Variants in ANXA2 observed in about 807,000 individuals in gnomAD.
ANXA2 encodes annexin A2.
In ANXA2, 28 loss-of-function variants were observed where a neutral mutation model predicts 47.3. The ratio of observed to expected loss-of-function variants is 0.59; its 90% confidence interval spans 0.44 to 0.81. The LOEUF (loss-of-function observed/expected upper bound fraction) is 0.81. ANXA2 is among the 40% of genes least tolerant of loss of function. The pLI is 0.00. For synonymous variants in ANXA2, 172 were observed against 155.5 expected (o/e 1.11, Z -0.79); for missense variants, 384 against 414.3 (o/e 0.93, Z 0.64).
chr15:60,397,803 G>T, intron 1 of ANXA2, 140 bp downstream of exon 1: 1 of 1,261,042 alleles, frequency 7.9e-7, no homozygotes, highest in Non-Finnish European at 1.0e-6. Flanking sequence ...AGTGCCGGCC[G>T]TCCCTTCAGC....
At chr15:60,369,463 A>G (rs1371482668) in intron 3 of ANXA2, among the ~76,000 whole-genome samples, 1 of 152,332 alleles carries the variant, frequency 6.6e-6, no homozygotes, top group East Asian at 1.9e-4. Context: ...CCTCAATTCT[A>G]ATACTTCCAG....
chr15:60,377,016 C>T (rs960435134), intron 3 of ANXA2, among the ~76,000 whole-genome samples: 3 of 152,268 alleles, frequency 2.0e-5, no homozygotes, highest in African/African-American at 7.2e-5. Flanking sequence ...GTCATCGTCA[C>T]ATGGTCCTCT....
intron 3 of ANXA2, among the ~76,000 whole-genome samples, chr15:60,367,352 GAGCCCCTCTGCCCGGCC>G (rs2062638217): frequency 9.2e-6 from 1 of 108,974 alleles, no homozygotes; most frequent in Non-Finnish European, 1.9e-5. Flanking sequence ...GGAAAGTGAG[GAGCCCCTCTGCCCGGCC>G]AGCCGCCCGG....
intron 12 of ANXA2, 116 bp from the exon 13 acceptor site, chr15:60,347,805 T>G: frequency 1.1e-6 from 1 of 915,600 alleles, no homozygotes; most frequent in Non-Finnish European, 1.7e-6. Context: ...AAGAGAAGAC[T>G]CTGCAGGAGA....
chr15:60,397,206 A>G (rs2063091882), intron 1 of ANXA2: 1 of 921,064 alleles, frequency 1.1e-6, no homozygotes. Context: ...TCATTGTCAC[A>G]TCATGGCGAG....
intron 3 of ANXA2, among the ~76,000 whole-genome samples, chr15:60,365,618 G>C (rs1174753874): frequency 6.6e-6 from 1 of 152,116 alleles, no homozygotes; most frequent in Non-Finnish European, 1.5e-5. Flanking sequence ...GATTGACAGA[G>C]GAAGTATTTT....
chr15:60,389,739 G>T (rs2140932478), intron 1 of ANXA2, among the ~76,000 whole-genome samples: 1 of 152,276 alleles, frequency 6.6e-6, no homozygotes, highest in East Asian at 1.9e-4. Context: ...ATGAGCATCA[G>T]AATCCTGTAA....
At chr15:60,361,733 G>A (rs1256255192) in intron 4 of ANXA2, among the ~76,000 whole-genome samples, 1 of 152,054 alleles carries the variant, frequency 6.6e-6, no homozygotes, top group Non-Finnish European at 1.5e-5. Flanking sequence ...CTTAAGGGTT[G>A]GATCCACTGT....
intron 1 of ANXA2, chr15:60,393,459 T>C: frequency 2.0e-6 from 2 of 1,005,198 alleles, no homozygotes; most frequent in Non-Finnish European, 1.2e-6. Context: ...AAAAGTCTAA[T>C]GTCAGCATTC....
intron 12 of ANXA2, among the ~76,000 whole-genome samples, chr15:60,348,720 TG>T (rs1454908285): frequency 7.3e-6 from 1 of 137,546 alleles, no homozygotes; most frequent in Non-Finnish European, 1.5e-5. Context: ...CACTCCAGCC[TG>T]GGCGAGAGAG....
chr15:60,354,506 T>C (rs1031602778), intron 7 of ANXA2, among the ~76,000 whole-genome samples: 1 of 151,202 alleles, frequency 6.6e-6, no homozygotes, highest in African/African-American at 2.4e-5. Context: ...GGCACATGCC[T>C]GTAGTCCCAG....
At chr15:60,376,497 C>G (rs2140892997) in intron 3 of ANXA2, among the ~76,000 whole-genome samples, 1 of 152,186 alleles carries the variant, frequency 6.6e-6, no homozygotes, top group African/African-American at 2.4e-5. Flanking sequence ...GAAAGTGAGC[C>G]AGGACAGGTA....
chr15:60,377,193 A>G (rs2140895288), intron 3 of ANXA2, among the ~76,000 whole-genome samples: 1 of 152,358 alleles, frequency 6.6e-6, no homozygotes, highest in Middle Eastern at 3.4e-3. Context: ...CATTCTAAAA[A>G]AAGAAGGTAA....
intron 3 of ANXA2, among the ~76,000 whole-genome samples, chr15:60,381,610 C>G (rs1209490164): frequency 6.6e-6 from 1 of 152,178 alleles, no homozygotes; most frequent in East Asian, 1.9e-4. Context: ...TCCTGGTCTT[C>G]TCTTACTCAT....
rs141460793 is a variant in ANXA2, at chr15:60,371,292, G to A, written c.149-6769C>T. ...ATAGCTTTGCCAAGGGAATGCCACG[G>A]GGAGGTGTTGCTGACAGCAAGGTGC... On this transcript the variant is annotated intron_variant, in intron 3 of 12. Transcript: ENST00000451270. 5.0e-3 allele frequency among the ~76,000 whole-genome samples: 761 copies of A among 152,334 alleles called. 6 individuals are homozygous for A. Among genetic ancestry groups the A allele is most frequent in the Middle Eastern group, 0.024 (7 of 294 alleles).
chr15:60,373,874 T>TG (rs2062742206), intron 3 of ANXA2, among the ~76,000 whole-genome samples: 1 of 152,202 alleles, frequency 6.6e-6, no homozygotes, highest in African/African-American at 2.4e-5. Context: ...CTGTGAAATA[T>TG]GGGGCAAAGA....
chr15:60,354,089 A>C lies in ANXA2; in HGVS notation c.588+65T>G, dbSNP rs569889985. ...GTCATTTGTCACACAGAGTTAAATTACTATATAGACTATCCAGAGACTTAC... is the reference window on the plus strand; with the variant it reads ...GTCATTTGTCACACAGAGTTAAATTCCTATATAGACTATCCAGAGACTTAC... On this transcript the variant is annotated intron_variant, in intron 8 of 12. Coordinates refer to ENST00000451270, the MANE Select transcript of ANXA2 (RefSeq NM_004039.3). The C allele has an allele frequency of 1.5e-5, 19 of 1,297,672 alleles. No homozygotes were observed. In the Admixed American group the frequency reaches 2.9e-4, roughly 20 times the overall value. The allele number at this position is 1,297,672 out of a possible 1,614,324, so 80.4% of individuals were successfully genotyped here.
chr15:60,349,833 G>A (rs918507933), intron 11 of ANXA2, among the ~76,000 whole-genome samples: 2 of 135,054 alleles, frequency 1.5e-5, no homozygotes, highest in Admixed American at 1.5e-4. Context: ...AGGGAGGGAG[G>A]GGAAGGAAAG....
rs750964647 is a variant in ANXA2 at position 60,361,040 on chromosome 15, T to G, written c.258A>C (p.Ala86=). The stretch of plus-strand genomic sequence containing the variant: ...GGTGGCCAGATAAGGCTGACTTCAG[T>G]GCTGATGCAAGTTCCTTCAAGATAA... ...QRRTKKELAS[A]LKSALSGHLE... The change falls in exon 5 of 13, where the codon GCA becomes GCC. Residue 86 remains alanine (A), a synonymous_variant. Transcript: ENST00000451270. 2.7e-5 allele frequency: 44 copies of G among 1,611,504 alleles called. No homozygotes were observed. Among genetic ancestry groups the G allele is most frequent in the Non-Finnish European group, 3.7e-5 (43 of 1,177,680 alleles).
Sources: gnomAD v4.1 joint callset for allele counts (sites outside exome capture counted in the v4.1 genomes callset) on GRCh38, gnomAD v4.1.1 for gene constraint, MANE v1.5 for transcripts, NCBI Gene and HGNC (gene_info 2026-07-23, HGNC 2026-07-21) for gene names.